Variants in SGK3 observed in about 807,000 individuals in gnomAD.
SGK3 encodes serine/threonine-protein kinase Sgk3.
A neutral mutation model predicts 68.5 loss-of-function variants in SGK3; 47 were observed. The observed-to-expected ratio is 0.69, with a 90% CI of 0.54 to 0.87. The LOEUF (loss-of-function observed/expected upper bound fraction) is 0.87. Ranked by LOEUF, SGK3 falls within the 40% of genes least tolerant of loss-of-function variation. The probability of loss-of-function intolerance (pLI) is 0.00; values close to 1 mark genes in which losing one functional copy is unlikely to be tolerated. For missense variants in SGK3, 479 were observed against 575.5 expected (o/e 0.83, Z 1.72); for synonymous variants, 181 against 189.1 (o/e 0.96, Z 0.35).
chr8:66,739,695 C>T (rs758217653), intron 1 of SGK3, among the ~76,000 whole-genome samples: 21 of 152,134 alleles, frequency 1.4e-4, no homozygotes, highest in Non-Finnish European at 2.1e-4. Flanking sequence ...AGTACCCAGC[C>T]GACACTGGGT....
Position 66,793,743 on chromosome 8 carries a change from A to G in SGK3, c.7A>G (p.Arg3Gly), listed in dbSNP as rs553948504. ...TGTGCTCTTGAGGGATTAAATGCAAAGAGATCACACCATGGACTACAAGGA... is the reference window on the plus strand; with the variant it reads ...TGTGCTCTTGAGGGATTAAATGCAAGGAGATCACACCATGGACTACAAGGA... The part of the protein sequence containing the change: MQ[R>G]DHTMDYKESC... Residue 3 changes from arginine (R) to glycine (G), a missense_variant, in exon 2 of 17, where the codon AGA (arginine) becomes GGA (glycine). Around this residue, in one of 3 missense-constraint regions of SGK3, gnomAD observed 298 missense variants for 329.4 expected, o/e 0.90. Transcript: ENST00000521198. The G allele has an allele frequency of 3.1e-6, 5 of 1,612,980 alleles. No homozygotes were observed. In the South Asian group the frequency reaches 3.3e-5, roughly 11 times the overall value.
rs1198056796 is a variant in SGK3, at chr8:66,744,510, TATATATA to T, written c.-122+31678_-122+31684del. On this transcript the variant is annotated intron_variant, in intron 1 of 16. Transcript: ENST00000521198. ...ATATATATATATATATATATATATA[TATATATA>T]TATTTTTTTTTTTTTTTTTTTTTTT... 4.1e-3 allele frequency among the ~76,000 whole-genome samples: 127 copies of T among 30,664 alleles called. 2 individuals carry two copies. Among genetic ancestry groups the T allele is most frequent in the African/African-American group, 0.013 (67 of 5,318 alleles). The allele number at this position is 30,664 out of a possible 152,430, so 20.1% of individuals were successfully genotyped here.
At chr8:66,826,914 G>A (rs1809082717) in intron 6 of SGK3, among the ~76,000 whole-genome samples, 1 of 151,794 alleles carries the variant, frequency 6.6e-6, no homozygotes, top group Admixed American at 6.6e-5. Flanking sequence ...CAAAGTGCTG[G>A]GATTACAGCC....
chr8:66,839,850 T>G, intron 10 of SGK3, 153 bp from the exon 11 acceptor site: 1 of 631,372 alleles, frequency 1.6e-6, no homozygotes, highest in Non-Finnish European at 2.6e-6. Flanking sequence ...TGAAGGGGAG[T>G]CACATTTCTG....
In SGK3 at chr8:66,813,844, C is replaced by G. The variant is rs751108134; in HGVS notation, c.254-9C>G. ...TAAATAATCCTAATAGTTTATATCT[C>G]TCTTCCAGATTTTATTAAACAAAGA... On this transcript the variant is annotated splice_polypyrimidine_tract_variant and intron_variant, in intron 4 of 16. Coordinates refer to ENST00000521198, the MANE Select transcript of SGK3 (RefSeq NM_001033578.3). The G allele has an allele frequency of 6.4e-7, 1 of 1,572,170 alleles. No homozygotes were observed. Among genetic ancestry groups the G allele is most frequent in the Non-Finnish European group, 8.6e-7 (1 of 1,161,198 alleles).
At chr8:66,815,666 G>A (rs1356675544) in intron 5 of SGK3, among the ~76,000 whole-genome samples, 3 of 152,006 alleles carry the variant, frequency 2.0e-5, no homozygotes, top group Non-Finnish European at 4.4e-5. Flanking sequence ...TTTGACGAGC[G>A]GGCATGGAAT....
rs186000397 is a variant in SGK3, at chr8:66,821,220, C to T, written c.330-1152C>T. Reference sequence around the variant, plus strand: ...TCCTTCTTCTTCATAGCCATTTCCTCATCCCCCTTGTTGATACCCACTTTA... The same window carrying T: ...TCCTTCTTCTTCATAGCCATTTCCTTATCCCCCTTGTTGATACCCACTTTA... On this transcript the variant is annotated intron_variant, in intron 5 of 16. Transcript: ENST00000521198. Among the ~76,000 whole-genome samples, 430 of 152,186 alleles carry T rather than the reference C, an allele frequency of 2.8e-3. 3 individuals are homozygous for T. The highest frequency in any genetic ancestry group is 0.01 in the African/African-American group (419 of 41,528).
chr8:66,835,296 T>C (rs2130707872), intron 8 of SGK3, among the ~76,000 whole-genome samples: 1 of 152,326 alleles, frequency 6.6e-6, no homozygotes, highest in East Asian at 1.9e-4. Flanking sequence ...CAGCCCACTA[T>C]AGAAATCCAT....
chr8:66,789,820 A>G (rs1334232440), intron 1 of SGK3, among the ~76,000 whole-genome samples: 2 of 152,158 alleles, frequency 1.3e-5, no homozygotes, highest in Non-Finnish European at 2.9e-5. Context: ...GCTTATGCCT[A>G]CAATCCCAGC....
At chr8:66,729,371 G>C (rs1481356720) in intron 1 of SGK3, among the ~76,000 whole-genome samples, 1 of 151,986 alleles carries the variant, frequency 6.6e-6, no homozygotes, top group African/African-American at 2.4e-5. Context: ...CACGAGAATG[G>C]CGTGAACCAG....
At chr8:66,720,528 G>T (rs1392014359) in intron 1 of SGK3, among the ~76,000 whole-genome samples, 1 of 152,058 alleles carries the variant, frequency 6.6e-6, no homozygotes, top group Non-Finnish European at 1.5e-5. Flanking sequence ...CCAGCATTTT[G>T]GGAGGCCAAG....
chr8:66,855,108 A>C (rs547097803), intron 16 of SGK3, among the ~76,000 whole-genome samples: 1 of 152,334 alleles, frequency 6.6e-6, no homozygotes, highest in East Asian at 1.9e-4. Flanking sequence ...TTTGTGTATA[A>C]TCTTTAAGTG....
intron 1 of SGK3, among the ~76,000 whole-genome samples, chr8:66,720,991 A>G (rs1427966293): frequency 6.6e-6 from 1 of 152,118 alleles, no homozygotes; most frequent in Non-Finnish European, 1.5e-5. Flanking sequence ...TGAACTGGAG[A>G]TGTTTTGAAA....
In SGK3 at chr8:66,712,807, G is replaced by A. The variant is rs1278307915; in HGVS notation, c.-148G>A. The stretch of plus-strand genomic sequence containing the variant: ...CAGTGCGTTCGGCTCCGCGCCCGCC[G>A]CGCCGGGAGCAGCACCGCGGGGCCA... On this transcript the variant is annotated 5_prime_UTR_variant, in exon 1 of 17. Coordinates refer to ENST00000521198, the MANE Select transcript of SGK3 (RefSeq NM_001033578.3). The A allele has an allele frequency of 2.0e-5, 3 of 151,358 alleles. No individual in the cohort carries two copies. Among genetic ancestry groups the A allele is most frequent in the Non-Finnish European group, 4.4e-5 (3 of 67,768 alleles). The allele number at this position is 151,358 out of a possible 1,614,324, so 9.4% of individuals were successfully genotyped here.
At chr8:66,812,674 CTT>C (rs1027060099) in intron 4 of SGK3, among the ~76,000 whole-genome samples, 1 of 152,072 alleles carries the variant, frequency 6.6e-6, no homozygotes, top group Admixed American at 6.6e-5. Context: ...AAATAATACT[CTT>C]AACATCTGCC....
intron 12 of SGK3, 146 bp downstream of exon 12, chr8:66,840,393 C>T: frequency 1.2e-6 from 1 of 850,438 alleles, no homozygotes; most frequent in Non-Finnish European, 1.7e-6. Context: ...GGATGGAGAA[C>T]AGATTAGTGG....
intron 5 of SGK3, among the ~76,000 whole-genome samples, chr8:66,820,311 G>A (rs746534191): frequency 5.9e-5 from 9 of 152,104 alleles, no homozygotes; most frequent in Non-Finnish European, 1.3e-4. Context: ...TATACTAGGT[G>A]ACTTTTTTTT....
intron 10 of SGK3, 88 bp downstream of exon 10, chr8:66,836,162 T>C: frequency 6.7e-7 from 1 of 1,492,832 alleles, no homozygotes; most frequent in Non-Finnish European, 9.0e-7. Context: ...AGAAGGACAG[T>C]ATAAAATCAG....
intron 1 of SGK3, among the ~76,000 whole-genome samples, chr8:66,792,800 G>T (rs1018981616): frequency 2.2e-4 from 33 of 152,190 alleles, no homozygotes; most frequent in African/African-American, 8.0e-4. Context: ...GCTCAAGCAG[G>T]AACATTTTTT....
Sources: allele counts gnomAD v4.1 joint callset (sites outside exome capture counted in the v4.1 genomes callset), GRCh38; gene constraint gnomAD v4.1.1; regional missense constraint gnomAD v4.1.1; transcripts MANE v1.5; gene names NCBI Gene and HGNC (gene_info 2026-07-23, HGNC 2026-07-21).